The following UTP20 variants were observed in gnomAD, a reference collection of about 807,000 sequenced individuals.
UTP20 encodes small subunit processome component 20 homolog.
In UTP20, 164 loss-of-function variants were observed where a neutral mutation model predicts 329.5. The observed-to-expected ratio is 0.50, with a 90% CI of 0.44 to 0.57. The LOEUF (loss-of-function observed/expected upper bound fraction) is 0.57, where lower values mean the gene tolerates loss of function less well. Among genes scored for constraint, UTP20 ranks in the 20% least tolerant of loss-of-function variants. The probability of loss-of-function intolerance (pLI) is 0.00; values close to 1 mark genes in which losing one functional copy is unlikely to be tolerated. For synonymous variants in UTP20, 1,151 were observed against 1,159.3 expected (o/e 0.99, Z 0.14); for missense variants, 3,055 against 3,284.2 (o/e 0.93, Z 1.71).
At position 101,385,952 on chromosome 12, in the gene UTP20, C is replaced by G. The variant is rs1870812659; in HGVS notation, c.8203-16C>G. 1 of 1,537,448 alleles carries G rather than the reference C, an allele frequency of 6.5e-7. No homozygotes were observed. The highest frequency in any genetic ancestry group is 8.8e-7 in the Non-Finnish European group (1 of 1,136,340). ...TTACTTTAAAAGTAATATAAAATTT[C>G]TATTCTCTTTTCCAGTTTGTAACTA... On this transcript the variant is annotated splice_polypyrimidine_tract_variant and intron_variant, in intron 61 of 61. Transcript: ENST00000261637.
intron 35 of UTP20, among the ~76,000 whole-genome samples, chr12:101,344,175 T>G (rs976324753): frequency 3.3e-5 from 5 of 151,968 alleles, no homozygotes; most frequent in Non-Finnish European, 4.4e-5. Flanking sequence ...GCTGCCTGGC[T>G]GGCTGAGTCA....
intron 21 of UTP20, among the ~76,000 whole-genome samples, chr12:101,312,544 C>T (rs977060146): frequency 3.3e-5 from 5 of 152,202 alleles, no homozygotes; most frequent in Admixed American, 1.3e-4. Flanking sequence ...CAGATTCAAG[C>T]GATTCTCCTG....
rs10082778 is a variant in UTP20, at chr12:101,357,036, T to G, written c.5645T>G (p.Leu1882Arg). The G allele has an allele frequency of 6.2e-7, 1 of 1,613,936 alleles. No homozygotes were observed. Among genetic ancestry groups the G allele is most frequent in the African/African-American group, 1.3e-5 (1 of 75,036 alleles). ...GAGGATCTTGGTGTGCACTTCCTCCTATATGTTTTAAAAGAATTACAGACT... is the reference window on the plus strand; with the variant it reads ...GAGGATCTTGGTGTGCACTTCCTCCGATATGTTTTAAAAGAATTACAGACT... ...IIEDLGVHFL[L>R]YVLKELQTTL... The change falls in exon 43 of 62, where the codon CTA (leucine) becomes CGA (arginine). Residue 1882 changes from leucine (L) to arginine (R), a missense_variant. Transcript: ENST00000261637.
intron 48 of UTP20, among the ~76,000 whole-genome samples, chr12:101,368,196 A>G (rs1412601305): frequency 6.6e-6 from 1 of 150,420 alleles, no homozygotes; most frequent in Non-Finnish European, 1.5e-5. Context: ...ATCTTGACTC[A>G]TTGCAACCTC....
rs1157160721 is a variant in UTP20, at chr12:101,381,213, TAAG to T, written c.7656+5_7656+7del. 2 of 1,611,196 alleles carry T rather than the reference TAAG, an allele frequency of 1.2e-6. No individual in the cohort carries two copies. The highest frequency in any genetic ancestry group is 4.5e-5 in the East Asian group (2 of 44,856). ...TTGGATCAGTCTCTAGGAGAACAGG[TAAG>T]AATTGTAGTTCTCCCAGTTTAAAAG... is the stretch of plus-strand genomic sequence containing the variant. On this transcript the variant is annotated splice_donor_5th_base_variant and intron_variant, in intron 58 of 61. Coordinates refer to ENST00000261637, the MANE Select transcript of UTP20 (RefSeq NM_014503.3).
intron 8 of UTP20, 74 bp downstream of exon 8, chr12:101,290,962 A>C: frequency 6.8e-7 from 1 of 1,462,324 alleles, no homozygotes; most frequent in South Asian, 1.3e-5. Context: ...TCAGTTTTGC[A>C]AATCACTCCT....
intron 19 of UTP20, among the ~76,000 whole-genome samples, chr12:101,310,733 T>C (rs1252640048): frequency 6.6e-6 from 1 of 152,142 alleles, no homozygotes; most frequent in African/African-American, 2.4e-5. Context: ...CGATTAGTTA[T>C]TAGTTCTTAC....
In UTP20 at chr12:101,289,193, A is replaced by G. The variant is rs1872057829; in HGVS notation, c.597+152A>G. 4.6e-6 allele frequency: 3 copies of G among 651,138 alleles called. No individual in the cohort carries two copies. In the South Asian group the frequency reaches 5.9e-5, roughly 13 times the overall value. The allele number at this position is 651,138 out of a possible 1,614,324, so 40.3% of individuals were successfully genotyped here. ...GGAATTGGAGACCAGCCTGACCAAC[A>G]TGGCAAAACCCCGTCTCTACTAAAA... On this transcript the variant is annotated intron_variant, in intron 6 of 61. Transcript: ENST00000261637.
intron 60 of UTP20, 43 bp from the exon 61 acceptor site, chr12:101,385,540 C>A (rs1870795858): frequency 1.3e-6 from 2 of 1,579,848 alleles, no homozygotes. Context: ...CAAATGTGTC[C>A]TTTCCTACCT....
At chr12:101,355,265 CTT>C (rs1049682518) in intron 41 of UTP20, 147 bp downstream of exon 41, 1 of 893,342 alleles carries the variant, frequency 1.1e-6, no homozygotes, top group Non-Finnish European at 1.7e-6. Context: ...CCCCTCTACT[CTT>C]ATCTCTTCAA....
intron 37 of UTP20, 107 bp downstream of exon 37, chr12:101,345,801 C>T: frequency 1.0e-6 from 1 of 994,936 alleles, no homozygotes; most frequent in South Asian, 2.2e-5. Context: ...AAGGTTTAAG[C>T]TTCTCTTTCC....
intron 27 of UTP20, among the ~76,000 whole-genome samples, chr12:101,332,419 T>C (rs1362534093): frequency 6.6e-6 from 1 of 152,222 alleles, no homozygotes; most frequent in Non-Finnish European, 1.5e-5. Context: ...AGATTTTCAG[T>C]TGAATTGAGG....
intron 2 of UTP20, among the ~76,000 whole-genome samples, chr12:101,282,599 C>T (rs898527772): frequency 1.3e-5 from 2 of 152,116 alleles, no homozygotes; most frequent in African/African-American, 4.8e-5. Flanking sequence ...GCTGTAGGGA[C>T]TTAGAGTTCT....
intron 5 of UTP20, 145 bp downstream of exon 5, chr12:101,286,654 C>A: frequency 1.6e-6 from 1 of 617,096 alleles, no homozygotes; most frequent in Non-Finnish European, 2.5e-6. Context: ...GGTCCACAAT[C>A]TAGTCTGCCA....
intron 5 of UTP20, among the ~76,000 whole-genome samples, chr12:101,287,082 T>C (rs1173803940): frequency 1.3e-5 from 2 of 152,194 alleles, no homozygotes; most frequent in African/African-American, 4.8e-5. Flanking sequence ...GTCTGGGGTT[T>C]GGTGGGATTT....
chr12:101,342,729 A>G (rs1188188468), intron 33 of UTP20, 58 bp from the exon 34 acceptor site: 2 of 1,563,962 alleles, frequency 1.3e-6, no homozygotes, highest in Non-Finnish European at 1.7e-6. Flanking sequence ...TGAGGGGAGG[A>G]GGGCAGAAAA....
Position 101,383,657 on chromosome 12 carries a change from T to C in UTP20, c.8044T>C (p.Tyr2682His), listed in dbSNP as rs1332501213. ...TTTGTTTCGGGAACTCAACAGCACCTATTCAGAGCAAGGTAACCCTGCCTC... is the reference window on the plus strand; with the variant it reads ...TTTGTTTCGGGAACTCAACAGCACCCATTCAGAGCAAGGTAACCCTGCCTC... Reference protein sequence around the residue: ...APLFRELNSTYSEQDPLLKNL... With the variant: ...APLFRELNSTHSEQDPLLKNL... Residue 2682 changes from tyrosine (Y) to histidine (H), a missense_variant, in exon 60 of 62, where the codon TAT (tyrosine) becomes CAT (histidine). Around this residue, in one of 3 missense-constraint regions of UTP20, gnomAD observed 337 missense variants for 345.5 expected, o/e 0.98. Transcript: ENST00000261637. 6.2e-7 allele frequency: 1 copy of C among 1,609,502 alleles called. No individual in the cohort carries two copies. Among genetic ancestry groups the C allele is most frequent in the Admixed American group, 1.7e-5 (1 of 59,530 alleles).
In UTP20 at chr12:101,290,121, CTACTT is replaced by C. The variant is rs1872089267; in HGVS notation, c.598-13_598-9del. 6.6e-7 allele frequency: 1 copy of C among 1,512,360 alleles called. No homozygotes were observed. The highest frequency in any genetic ancestry group is 1.4e-5 in the African/African-American group (1 of 71,612). 93.7% of individuals were successfully genotyped at this position (1,512,360 alleles called of 1,614,324 possible). A position where few individuals can be genotyped will look rare whatever the true frequency, so the allele number is the denominator to read the frequency against. The stretch of plus-strand genomic sequence containing the variant: ...TGTTTGTGAATATAATTTTCCATTT[CTACTT>C]TATATTTTAGGTCTCTGATAAAAAC... On this transcript the variant is annotated splice_polypyrimidine_tract_variant and intron_variant, in intron 6 of 61. Coordinates refer to ENST00000261637, the MANE Select transcript of UTP20 (RefSeq NM_014503.3).
Position 101,334,516 on chromosome 12 carries a change from C to CT in UTP20, c.3641+18dup. 6.2e-7 allele frequency: 1 copy of CT among 1,603,738 alleles called. No individual in the cohort carries two copies. The highest frequency in any genetic ancestry group is 1.7e-5 in the Admixed American group (1 of 59,120). On this transcript the variant is annotated intron_variant, in intron 29 of 61. Transcript: ENST00000261637. ...AGCAGAAACGCAAGGTATAACCTTT[C>CT]TTTTTTCCTTCTTTAAAAAGGGCAG...
Sources: allele counts gnomAD v4.1 joint callset (sites outside exome capture counted in the v4.1 genomes callset), GRCh38; gene constraint gnomAD v4.1.1; regional missense constraint gnomAD v4.1.1; transcripts MANE v1.5; gene names NCBI Gene and HGNC (gene_info 2026-07-23, HGNC 2026-07-21).